Variants in TRAPPC9 observed in about 807,000 individuals in gnomAD.
The protein encoded by TRAPPC9 is IKK2 binding protein.
TRAPPC9 carries 83 observed loss-of-function variants against 124.0 expected under a neutral mutation model. That is an observed-to-expected ratio of 0.67 (90% confidence interval 0.56 to 0.80). TRAPPC9 has a LOEUF of 0.80. Ranked by LOEUF, TRAPPC9 falls within the 30% of genes least tolerant of loss-of-function variation. The probability of loss-of-function intolerance (pLI) is 0.00; values close to 1 mark genes in which losing one functional copy is unlikely to be tolerated. For synonymous variants in TRAPPC9, 638 were observed against 617.5 expected, an observed-to-expected ratio of 1.03 and a Z score of -0.49; for missense variants, 1,302 against 1,508.3, an observed-to-expected ratio of 0.86 and a Z score of 2.27.
chr8:139,731,764 G>A (rs1817838923), intron 22 of TRAPPC9, among the ~76,000 whole-genome samples: 1 of 152,170 alleles, frequency 6.6e-6, no homozygotes, highest in Non-Finnish European at 1.5e-5. Flanking sequence ...CCAACCCTGA[G>A]GGCCTCACTG....
At chr8:139,744,878 G>C (rs1818787642) in intron 21 of TRAPPC9, among the ~76,000 whole-genome samples, 1 of 152,168 alleles carries the variant, frequency 6.6e-6, no homozygotes, top group South Asian at 2.1e-4. Flanking sequence ...ATTAAAATTA[G>C]GGCAAAATGA....
chr8:140,124,572 G>T (rs1199443650), intron 17 of TRAPPC9, among the ~76,000 whole-genome samples: 1 of 152,196 alleles, frequency 6.6e-6, no homozygotes, highest in African/African-American at 2.4e-5. Flanking sequence ...TGGGCGGGGG[G>T]GCATTACTGC....
intron 10 of TRAPPC9, among the ~76,000 whole-genome samples, chr8:140,310,041 C>T (rs1434454985): frequency 6.6e-6 from 1 of 152,206 alleles, no homozygotes; most frequent in African/African-American, 2.4e-5. Context: ...CGGGAGCACA[C>T]AACTCTTTGG....
intron 19 of TRAPPC9, among the ~76,000 whole-genome samples, chr8:139,987,664 AAAT>A (rs1199248017): frequency 6.6e-6 from 1 of 152,222 alleles, no homozygotes; most frequent in African/African-American, 2.4e-5. Context: ...TTAAAAATAA[AAAT>A]ATTATTCCCT....
At chr8:140,230,256 A>G (rs908266045) in intron 16 of TRAPPC9, among the ~76,000 whole-genome samples, 6 of 152,226 alleles carry the variant, frequency 3.9e-5, no homozygotes, top group Admixed American at 3.3e-4. Context: ...AGCACTGGAC[A>G]GTCCTGTTAG....
chr8:139,750,669 C>A (rs919998828), intron 21 of TRAPPC9, among the ~76,000 whole-genome samples: 2 of 152,204 alleles, frequency 1.3e-5, no homozygotes, highest in East Asian at 1.9e-4. Context: ...AAAGACCATG[C>A]GGCTTCTCTA....
intron 17 of TRAPPC9, among the ~76,000 whole-genome samples, chr8:140,186,893 A>T (rs2062365683): frequency 6.6e-6 from 1 of 152,200 alleles, no homozygotes; most frequent in Non-Finnish European, 1.5e-5. Flanking sequence ...GAATCAAGCA[A>T]ATCAATAAAT....
intron 21 of TRAPPC9, 68 bp downstream of exon 21, chr8:139,885,811 C>G: frequency 6.8e-7 from 1 of 1,479,382 alleles, no homozygotes; most frequent in Non-Finnish European, 9.2e-7. Context: ...CCCCCAAGAC[C>G]TTGCTCGTGC....
intron 19 of TRAPPC9, among the ~76,000 whole-genome samples, chr8:139,949,830 C>T (rs1016735465): frequency 2.6e-5 from 4 of 152,066 alleles, no homozygotes; most frequent in South Asian, 2.1e-4. Context: ...ATCATGGTAA[C>T]GGCTGCACAA....
chr8:139,963,531 T>C (rs1224338654), intron 19 of TRAPPC9, among the ~76,000 whole-genome samples: 4 of 152,168 alleles, frequency 2.6e-5, no homozygotes, highest in African/African-American at 4.8e-5. Flanking sequence ...GTCCTTTCAG[T>C]TGAAGGCAAC....
intron 2 of TRAPPC9, among the ~76,000 whole-genome samples, chr8:140,444,821 C>G (rs1273352810): frequency 1.4e-5 from 2 of 147,274 alleles, no homozygotes; most frequent in Non-Finnish European, 3.0e-5. Flanking sequence ...TGAGATGGTA[C>G]CACTGCATTC....
intron 13 of TRAPPC9, 61 bp from the exon 14 acceptor site, chr8:140,284,082 C>G: frequency 6.2e-7 from 1 of 1,608,736 alleles, no homozygotes; most frequent in East Asian, 2.2e-5. Context: ...ACGCCCACGG[C>G]TGAAGCAGTG....
At chr8:140,047,298 G>A (rs929261734) in intron 17 of TRAPPC9, among the ~76,000 whole-genome samples, 7 of 152,366 alleles carry the variant, frequency 4.6e-5, no homozygotes, top group African/African-American at 1.7e-4. Flanking sequence ...CAGAAGCTCA[G>A]TCAATCCACC....
chr8:139,896,846 A>AAGC (rs1471447423), intron 20 of TRAPPC9, among the ~76,000 whole-genome samples: 8 of 152,298 alleles, frequency 5.3e-5, no homozygotes, highest in Admixed American at 6.5e-5. Context: ...CATGGTGCTG[A>AAGC]AGCAGCTGCC....
At chr8:139,814,422 A>C (rs540527954) in intron 21 of TRAPPC9, among the ~76,000 whole-genome samples, 1 of 152,204 alleles carries the variant, frequency 6.6e-6, no homozygotes, top group Admixed American at 6.5e-5. Context: ...AGCAGGAGGG[A>C]GGGTAAGAAG....
chr8:139,853,844 C>T (rs190024231), intron 21 of TRAPPC9, among the ~76,000 whole-genome samples: 7 of 152,192 alleles, frequency 4.6e-5, no homozygotes, highest in Admixed American at 1.3e-4. Context: ...ACAAAGGAAG[C>T]GAAGGGCTCT....
At chr8:140,323,758 G>GA (rs951506596) in intron 9 of TRAPPC9, among the ~76,000 whole-genome samples, 1 of 151,550 alleles carries the variant, frequency 6.6e-6, no homozygotes, top group Non-Finnish European at 1.5e-5. Flanking sequence ...AAAAGAAGAG[G>GA]AAAAAAACAG....
intron 9 of TRAPPC9, among the ~76,000 whole-genome samples, chr8:140,352,203 A>G (rs1225900593): frequency 6.6e-6 from 1 of 152,224 alleles, no homozygotes; most frequent in Non-Finnish European, 1.5e-5. Flanking sequence ...TGAGTAGTTC[A>G]CTTGTGGTGT....
At chr8:140,026,315 C>T (rs559345858) in intron 17 of TRAPPC9, among the ~76,000 whole-genome samples, 4 of 152,264 alleles carry the variant, frequency 2.6e-5, no homozygotes, top group South Asian at 2.1e-4. Context: ...TGGACAGTGC[C>T]GAGACCCTGC....
Sources: gnomAD v4.1 joint callset for allele counts (sites outside exome capture counted in the v4.1 genomes callset) on GRCh38, gnomAD v4.1.1 for gene constraint, MANE v1.5 for transcripts, NCBI Gene and HGNC (gene_info 2026-07-23, HGNC 2026-07-21) for gene names.